SYT14: variants seen among roughly 807,000 people sequenced by gnomAD.
SYT14 encodes synaptotagmin-14.
Under a neutral mutation model 74.2 loss-of-function variants are expected in SYT14, and 32 were observed. The observed-to-expected ratio is 0.43, with a 90% CI of 0.33 to 0.58. The LOEUF is 0.58. SYT14 is among the 20% of genes least tolerant of loss of function. The probability of loss-of-function intolerance (pLI) is 0.05; values close to 1 mark genes in which losing one functional copy is unlikely to be tolerated. For missense variants in SYT14, 791 were observed against 981.8 expected (o/e 0.81, Z 2.60); for synonymous variants, 298 against 337.7 (o/e 0.88, Z 1.29).
intron 7 of SYT14, among the ~76,000 whole-genome samples, chr1:210,137,653 G>A (rs1366807936): frequency 1.3e-5 from 2 of 151,514 alleles, no homozygotes; most frequent in East Asian, 3.9e-4. Flanking sequence ...AAATGCTCTG[G>A]GATTCTGGAA....
chr1:210,022,673 A>G (rs772585190), intron 5 of SYT14, among the ~76,000 whole-genome samples: 16 of 152,238 alleles, frequency 1.1e-4, no homozygotes, highest in Non-Finnish European at 1.8e-4. Flanking sequence ...CAGGGTTGCC[A>G]TGAAAATTAA....
At chr1:209,948,365 G>T (rs540021087) in intron 1 of SYT14, among the ~76,000 whole-genome samples, 2 of 152,244 alleles carry the variant, frequency 1.3e-5, no homozygotes, top group East Asian at 3.9e-4. Flanking sequence ...CAGCACACGT[G>T]TGTGCCCACA....
chr1:209,983,762 T>G (rs142990445), intron 2 of SYT14, among the ~76,000 whole-genome samples: 7 of 152,336 alleles, frequency 4.6e-5, no homozygotes, highest in Middle Eastern at 3.4e-3. Context: ...GGGCCATACT[T>G]TCTTGTTTCT....
chr1:210,013,743 T>A, exon 3 of SYT14: 1 of 1,612,972 alleles, frequency 6.2e-7, no homozygotes, highest in Middle Eastern at 1.8e-4. Flanking sequence ...TGTTGGCGGG[T>A]TTCCAGATCT....
chr1:210,122,293 T>C (rs2082483733), intron 7 of SYT14, among the ~76,000 whole-genome samples: 1 of 152,084 alleles, frequency 6.6e-6, no homozygotes. Context: ...CCTGAAACTT[T>C]TAAATGCCCA....
At chr1:210,051,299 A>G (rs938666034) in intron 5 of SYT14, among the ~76,000 whole-genome samples, 3 of 152,180 alleles carry the variant, frequency 2.0e-5, no homozygotes, top group Non-Finnish European at 4.4e-5. Flanking sequence ...ATATCCAATA[A>G]GGTTGTACAG....
rs140502750 is a variant in SYT14 at position 210,082,127 on chromosome 1, A to C, written c.1313-12195A>C. Among the ~76,000 whole-genome samples, 18 of 152,354 alleles carry C rather than the reference A, an allele frequency of 1.2e-4. No homozygotes were observed. The East Asian group carries it at 3.1e-3, about 26-fold the overall frequency. Reference sequence around the variant, plus strand: ...AATATTTAAAAGTGTTTTCCATCTAAGAAAGAGTTAAACTTGGAATATGTG... The same window carrying C: ...AATATTTAAAAGTGTTTTCCATCTACGAAAGAGTTAAACTTGGAATATGTG... On this transcript the variant is annotated intron_variant, in intron 5 of 9. Transcript: ENST00000637265.
chr1:210,054,501 TTTC>T (rs1289618560), intron 5 of SYT14, among the ~76,000 whole-genome samples: 11 of 152,174 alleles, frequency 7.2e-5, no homozygotes, highest in Non-Finnish European at 1.5e-4. Context: ...TATATTACAT[TTTC>T]TTTTTTTTAA....
At chr1:210,108,953 G>A (rs2082208966) in intron 7 of SYT14, among the ~76,000 whole-genome samples, 1 of 152,070 alleles carries the variant, frequency 6.6e-6, no homozygotes, top group Non-Finnish European at 1.5e-5. Context: ...TGGTGGAAGT[G>A]GGCATCTGAG....
rs980749342 is a variant in SYT14 at position 209,997,814 on chromosome 1, A to C, written c.-485-15819A>C. Among the ~76,000 whole-genome samples the C allele has an allele frequency of 3.9e-5, 6 of 152,106 alleles. No individual in the cohort carries two copies. The South Asian group carries it at 1.2e-3, about 32-fold the overall frequency. On this transcript the variant is annotated intron_variant, in intron 2 of 9. Transcript: ENST00000637265. ...CCCCCTGTATCTAAAATAAAAGTTG[A>C]AAGTAAAAATTTATTATTTAAAATT...
At chr1:210,025,430 C>G (rs2080389610) in intron 5 of SYT14, among the ~76,000 whole-genome samples, 2 of 152,072 alleles carry the variant, frequency 1.3e-5, no homozygotes, top group Admixed American at 6.5e-5. Context: ...TTAAACTTGA[C>G]TAATGTGAGT....
Position 210,108,472 on chromosome 1 carries a change from G to A in SYT14, c.2034+8011G>A, listed in dbSNP as rs561956807. 3.6e-4 allele frequency among the ~76,000 whole-genome samples: 55 copies of A among 152,292 alleles called. 1 individual carries two copies. The highest frequency in any genetic ancestry group is 2.4e-3 in the Admixed American group (36 of 15,292). ...ATTGTGAAGGGGCTAGAATCCAAAC[G>A]AGAGTGGCAGTCATTTAGACAGTTT... is the stretch of plus-strand genomic sequence containing the variant. On this transcript the variant is annotated intron_variant, in intron 7 of 9. Transcript: ENST00000637265.
At chr1:210,018,547 A>G (rs936531064) in intron 4 of SYT14, among the ~76,000 whole-genome samples, 4 of 152,222 alleles carry the variant, frequency 2.6e-5, no homozygotes, top group East Asian at 1.9e-4. Context: ...AATAGTTTAC[A>G]TATTATTTTA....
exon 10 of SYT14, chr1:210,165,335 AAAG>A (rs2083444602): frequency 6.6e-6 from 1 of 152,296 alleles, no homozygotes; most frequent in South Asian, 2.1e-4. Flanking sequence ...AAAGACTAGA[AAAG>A]AAGATCAGAA....
intron 5 of SYT14, among the ~76,000 whole-genome samples, chr1:210,086,976 C>T (rs946109434): frequency 6.6e-6 from 1 of 152,206 alleles, no homozygotes; most frequent in Non-Finnish European, 1.5e-5. Flanking sequence ...TCTCCCATCT[C>T]CCTGCACACA....
chr1:210,168,565 A>G (rs973623934), exon 10 of SYT14: 4 of 152,314 alleles, frequency 2.6e-5, no homozygotes, highest in East Asian at 1.9e-4. Context: ...AAAATTTTCA[A>G]ACTTTGTCTA....
intron 2 of SYT14, among the ~76,000 whole-genome samples, chr1:209,973,546 A>C (rs1049487344): frequency 5.9e-5 from 9 of 152,104 alleles, no homozygotes; most frequent in African/African-American, 1.9e-4. Context: ...TGAACTCATC[A>C]TTTTTTATGG....
chr1:210,009,567 A>T (rs2080048761), intron 2 of SYT14, among the ~76,000 whole-genome samples: 1 of 152,008 alleles, frequency 6.6e-6, no homozygotes. Flanking sequence ...GTAACATAAG[A>T]TATTTACCAT....
At chr1:210,054,124 A>C (rs1297963513) in intron 5 of SYT14, among the ~76,000 whole-genome samples, 1 of 152,054 alleles carries the variant, frequency 6.6e-6, no homozygotes, top group East Asian at 1.9e-4. Flanking sequence ...TTTAATTATT[A>C]TTCTTCCTGT....
Sources: gnomAD v4.1 joint callset for allele counts (sites outside exome capture counted in the v4.1 genomes callset) on GRCh38, gnomAD v4.1.1 for gene constraint, MANE v1.5 for transcripts, NCBI Gene and HGNC (gene_info 2026-07-23, HGNC 2026-07-21) for gene names.